Variants in PHRF1 observed in about 807,000 individuals in gnomAD.
The protein encoded by PHRF1 is PHD and RING finger domain-containing protein 1.
Under a neutral mutation model 128.9 loss-of-function variants are expected in PHRF1, and 53 were observed. That is an observed-to-expected ratio of 0.41 (90% confidence interval 0.33 to 0.52). PHRF1 has a LOEUF of 0.52. Among genes scored for constraint, PHRF1 ranks in the 20% least tolerant of loss-of-function variants. PHRF1 has a pLI of 0.21. For missense variants in PHRF1, 2,503 were observed against 2,284.5 expected (o/e 1.10, Z -1.95); for synonymous variants, 1,178 against 980.6 (o/e 1.20, Z -3.76).
chr11:606,359 C>T (rs143197172), intron 12 of PHRF1, 83 bp from the exon 13 acceptor site: 35,601 of 1,446,206 alleles, frequency 0.025, 511 homozygotes, highest in Middle Eastern at 0.034. Context: ...CCCTGGCTCC[C>T]GCCTGCTGCG....
chr11:586,347 C>T (rs1338113954), intron 3 of PHRF1, among the ~76,000 whole-genome samples: 1 of 152,238 alleles, frequency 6.6e-6, no homozygotes, highest in African/African-American at 2.4e-5. Flanking sequence ...CTTCTGCTGC[C>T]TCCCTCGCAG....
Position 609,352 on chromosome 11 carries a change from C to T in PHRF1, c.3896C>T (p.Pro1299Leu), listed in dbSNP as rs775059568. Reference protein sequence around the residue: ...PPSPESTDSSPERDFPLKPAL... With the variant: ...PPSPESTDSSLERDFPLKPAL... ...TCTCCCGAAAGCACAGACTCTTCCC[C>T]GGAGCGAGACTTCCCACTGAAGCCT... Residue 1299 changes from proline to leucine, a missense_variant, in exon 14 of 18, where the codon CCG becomes CTG. Transcript: ENST00000264555. The T allele has an allele frequency of 1.3e-4, 207 of 1,612,248 alleles. No individual in the cohort carries two copies. Among genetic ancestry groups the T allele is most frequent in the East Asian group, 8.2e-4 (37 of 44,902 alleles).
Position 601,615 on chromosome 11 carries a change from G to A in PHRF1, c.1066G>A (p.Gly356Arg), listed in dbSNP as rs1277938728. The A allele has an allele frequency of 1.3e-5, 21 of 1,613,620 alleles. No homozygotes were observed. The highest frequency in any genetic ancestry group is 3.3e-4 in the Middle Eastern group (2 of 6,082). Residue 356 changes from glycine (G) to arginine (R), a missense_variant, in exon 10 of 18, where the codon GGA becomes AGA. Coordinates refer to ENST00000264555, the MANE Select transcript of PHRF1 (RefSeq NM_001286581.2). ...KVPGRKKTPS[G>R]PSAKSKSSAT... ...GCCGGGAAGAAAGAAAACCCCGTCC[G>A]GACCATCCGCAAAAAGTAAGAGCTC...
In PHRF1 at chr11:587,310, C is replaced by G; in HGVS notation, c.266C>G (p.Thr89Ser). The G allele has an allele frequency of 6.2e-7, 1 of 1,613,680 alleles. No homozygotes were observed. Among genetic ancestry groups the G allele is most frequent in the Non-Finnish European group, 8.5e-7 (1 of 1,179,908 alleles). ...DGETLLEVAG[T>S]QGKLEAAGSF... ...GAGACATTGCTGGAGGTAGCGGGTA[C>G]TCAGGGGAAACTGGAAGCCGCTGGC... Residue 89 changes from threonine to serine, a missense_variant, in exon 4 of 18, where the codon ACT (threonine) becomes AGT (serine). By Grantham distance (58) the Thr-to-Ser change is moderately conservative. Transcript: ENST00000264555.
At chr11:582,134 G>A in intron 3 of PHRF1, 53 bp downstream of exon 3, 1 of 1,550,422 alleles carries the variant, frequency 6.4e-7, no homozygotes. Context: ...GTCGTGATGG[G>A]GACAGCCTTT....
chr11:599,828 G>A (rs1855523640), intron 9 of PHRF1, among the ~76,000 whole-genome samples: 1 of 151,992 alleles, frequency 6.6e-6, no homozygotes, highest in South Asian at 2.1e-4. Flanking sequence ...GGCTCCGGGG[G>A]TCTCGGCGTC....
In PHRF1 at chr11:611,542, G is replaced by A. The variant is rs1460335594; in HGVS notation, c.4807-92G>A. On this transcript the variant is annotated intron_variant, in intron 17 of 17. Coordinates refer to ENST00000264555, the MANE Select transcript of PHRF1 (RefSeq NM_001286581.2). Reference sequence around the variant, plus strand: ...TGCACCTAGGGCCTGCTCCTGAGCAGGGCAGGCGAGGGAGCCCAGCTTTGG... The same window carrying A: ...TGCACCTAGGGCCTGCTCCTGAGCAAGGCAGGCGAGGGAGCCCAGCTTTGG... The A allele has an allele frequency of 3.2e-6, 5 of 1,569,162 alleles. No homozygotes were observed. The East Asian group carries it at 9.1e-5, about 28-fold the overall frequency.
At chr11:603,864 G>T (rs1456217141) in intron 10 of PHRF1, among the ~76,000 whole-genome samples, 1 of 149,700 alleles carries the variant, frequency 6.7e-6, no homozygotes, top group African/African-American at 2.5e-5. Flanking sequence ...TACCACGCCC[G>T]GCTAAGTTTT....
intron 13 of PHRF1, 85 bp downstream of exon 13, chr11:606,681 C>A: frequency 6.8e-7 from 1 of 1,475,796 alleles, no homozygotes; most frequent in South Asian, 1.4e-5. Context: ...ATGTCTCAGT[C>A]ACGGAAGATG....
intron 4 of PHRF1, among the ~76,000 whole-genome samples, chr11:590,461 C>T (rs192288806): frequency 2.0e-4 from 30 of 152,266 alleles, no homozygotes; most frequent in Admixed American, 3.9e-4. Context: ...CGTACCTAAC[C>T]ACACCCCTGA....
intron 6 of PHRF1, among the ~76,000 whole-genome samples, chr11:595,105 CT>C (rs1225996305): frequency 2.0e-5 from 3 of 152,122 alleles, no homozygotes; most frequent in Non-Finnish European, 4.4e-5. Context: ...GGTGGATCAC[CT>C]GAGCTCAGGA....
chr11:586,716 A>G (rs1242301325), intron 3 of PHRF1, among the ~76,000 whole-genome samples: 1 of 152,204 alleles, frequency 6.6e-6, no homozygotes, highest in Admixed American at 6.5e-5. Context: ...AATTGGCCAG[A>G]ACGGTTGTGG....
chr11:597,754 G>T lies in PHRF1; in HGVS notation c.894+184G>T, dbSNP rs547188662. On this transcript the variant is annotated intron_variant, in intron 8 of 17. Transcript: ENST00000264555. This position sits in a 1 kb window ranked among gnomAD's most constrained non-coding sequence, Gnocchi z 6.5. ...CCCAGGGTGACCCCAGCGGCCCAAGGTGGGGCTGCCTCTGAGCACCTGGAG... is the reference window on the plus strand; with the variant it reads ...CCCAGGGTGACCCCAGCGGCCCAAGTTGGGGCTGCCTCTGAGCACCTGGAG... 4.6e-5 allele frequency among the ~76,000 whole-genome samples: 7 copies of T among 152,290 alleles called. No individual in the cohort carries two copies. The South Asian group carries it at 1.4e-3, about 32-fold the overall frequency.
chr11:589,162 G>C (rs7116433), intron 4 of PHRF1, among the ~76,000 whole-genome samples: 1 of 151,852 alleles, frequency 6.6e-6, no homozygotes, highest in African/African-American at 2.4e-5. Context: ...AACTCTTACA[G>C]ATGAACTGTT....
chr11:588,859 C>T (rs1030413262), intron 4 of PHRF1, among the ~76,000 whole-genome samples: 3 of 152,080 alleles, frequency 2.0e-5, no homozygotes, highest in East Asian at 1.9e-4. Flanking sequence ...CAAATGGAAC[C>T]GGGTGCAGTG....
At chr11:579,090 T>G (rs569259793) in intron 1 of PHRF1, among the ~76,000 whole-genome samples, 10 of 152,340 alleles carry the variant, frequency 6.6e-5, no homozygotes, top group Non-Finnish European at 1.5e-4. Context: ...TCTGCCCACC[T>G]TGGTCTCCCA....
At chr11:582,109 C>G in intron 3 of PHRF1, 28 bp downstream of exon 3, 1 of 1,562,882 alleles carries the variant, frequency 6.4e-7, no homozygotes, top group Non-Finnish European at 8.7e-7. Context: ...CACGCCGGCT[C>G]CTGTGTTTCC....
intron 1 of PHRF1, among the ~76,000 whole-genome samples, chr11:577,488 C>T (rs761388404): frequency 5.3e-5 from 8 of 152,258 alleles, no homozygotes; most frequent in Admixed American, 2.0e-4. Flanking sequence ...ATCCGGTTTT[C>T]TTTCTTATTG....
rs200929014 is a variant in PHRF1, at chr11:592,602, C to T, written c.548C>T (p.Pro183Leu). The T allele has an allele frequency of 3.5e-4, 562 of 1,613,950 alleles. No individual in the cohort carries two copies. Among genetic ancestry groups the T allele is most frequent in the Non-Finnish European group, 4.5e-4 (533 of 1,179,910 alleles). ...NTKASEEEED[P>L]TFCEVCGRSD... ...AAAGCGAGCGAGGAGGAGGAGGACC[C>T]GACCTTCTGTGAGGTGTGCGGCAGG... Residue 183 changes from proline to leucine, a missense_variant, in exon 6 of 18, where the codon CCG becomes CTG. Physicochemically the swap from Pro to Leu is moderately conservative, Grantham distance 98. Transcript: ENST00000264555.
Sources: gnomAD v4.1 joint callset for allele counts (sites outside exome capture counted in the v4.1 genomes callset) on GRCh38, gnomAD v4.1.1 for gene constraint, Gnocchi (gnomAD v3.1) non-coding constraint, MANE v1.5 for transcripts, NCBI Gene and HGNC (gene_info 2026-07-23, HGNC 2026-07-21) for gene names.